Variants in GLCCI1 observed in about 807,000 individuals in gnomAD.
GLCCI1 encodes the protein glucocorticoid induced 1, also known as glucocorticoid-induced transcript 1 protein.
In GLCCI1, 24 loss-of-function variants were observed where a neutral mutation model predicts 52.2. The observed-to-expected ratio is 0.46, with a 90% CI of 0.33 to 0.65. GLCCI1 has a LOEUF of 0.65. Ranked by LOEUF, GLCCI1 falls within the 30% of genes least tolerant of loss-of-function variation. The probability of loss-of-function intolerance (pLI) is 0.02; values close to 1 mark genes in which losing one functional copy is unlikely to be tolerated. For synonymous variants in GLCCI1, 310 were observed against 276.5 expected (o/e 1.12, Z -1.20); for missense variants, 704 against 701.5 (o/e 1.00, Z -0.04).
intron 1 of GLCCI1, 128 bp from the exon 2 acceptor site, chr7:8,003,780 G>A (rs1449634873): frequency 7.1e-6 from 5 of 704,032 alleles, no homozygotes; most frequent in African/African-American, 3.6e-5. Flanking sequence ...CATACAACAG[G>A]GCTATTAGTG....
In GLCCI1 at chr7:8,087,193, A is replaced by T. The variant is rs1783134814; in HGVS notation, c.*655A>T. On this transcript the variant is annotated 3_prime_UTR_variant, in exon 8 of 8. Coordinates refer to ENST00000223145, the MANE Select transcript of GLCCI1 (RefSeq NM_138426.4). Reference sequence around the variant, plus strand: ...TTTCCCTTTCCTCATTACATTCCACATTCTTAGAATAAGAAGTGCATTCAA... The same window carrying T: ...TTTCCCTTTCCTCATTACATTCCACTTTCTTAGAATAAGAAGTGCATTCAA... 1 of 152,632 alleles carries T rather than the reference A, an allele frequency of 6.6e-6. No individual in the cohort carries two copies. The highest frequency in any genetic ancestry group is 6.5e-5 in the Admixed American group (1 of 15,280). The allele number at this position is 152,632 out of a possible 1,614,324, so 9.5% of individuals were successfully genotyped here.
intron 3 of GLCCI1, among the ~76,000 whole-genome samples, chr7:8,054,806 T>C (rs779818230): frequency 2.6e-5 from 4 of 152,108 alleles, no homozygotes; most frequent in Non-Finnish European, 5.9e-5. Context: ...GGTCATATTA[T>C]AGTAATGACT....
intron 6 of GLCCI1, among the ~76,000 whole-genome samples, chr7:8,084,387 CATTTT>C (rs1393814421): frequency 6.6e-6 from 1 of 152,054 alleles, no homozygotes; most frequent in Non-Finnish European, 1.5e-5. Context: ...TAGAAAGAGA[CATTTT>C]ATAAACTTGT....
chr7:8,068,446 G>A (rs941114446), intron 5 of GLCCI1, among the ~76,000 whole-genome samples: 4 of 152,078 alleles, frequency 2.6e-5, no homozygotes, highest in African/African-American at 9.7e-5. Context: ...TTAATATTTG[G>A]GATTGCATTA....
intron 2 of GLCCI1, among the ~76,000 whole-genome samples, chr7:8,020,775 T>A (rs1781468191): frequency 6.6e-6 from 1 of 152,192 alleles, no homozygotes. Context: ...TAATGCTCAG[T>A]TGCTAGACAG....
At position 8,069,024 on chromosome 7, in the gene GLCCI1, G is replaced by A. The variant is rs1312397233; in HGVS notation, c.967-1897G>A. Among the ~76,000 whole-genome samples the A allele has an allele frequency of 3.3e-5, 5 of 152,094 alleles. No individual in the cohort carries two copies. The South Asian group carries it at 6.2e-4, about 19-fold the overall frequency. ...TGTATTTCCTCACTATTGCAGCTGC[G>A]CTCCCTGTCAGTGCTCTGAAAGTGT... On this transcript the variant is annotated intron_variant, in intron 5 of 7. Transcript: ENST00000223145.
intron 1 of GLCCI1, among the ~76,000 whole-genome samples, chr7:7,976,534 A>C (rs529441414): frequency 6.6e-6 from 1 of 150,900 alleles, no homozygotes; most frequent in Non-Finnish European, 1.5e-5. Context: ...GAAAAAGGAA[A>C]TAAAAGAAAG....
chr7:7,982,132 C>A, intron 1 of GLCCI1: 1 of 385,950 alleles, frequency 2.6e-6, no homozygotes, highest in South Asian at 2.3e-5. Flanking sequence ...GTCACAAATC[C>A]AAATACCAGA....
chr7:7,999,516 A>G (rs1367523369), intron 1 of GLCCI1, among the ~76,000 whole-genome samples: 2 of 152,122 alleles, frequency 1.3e-5, no homozygotes, highest in Non-Finnish European at 2.9e-5. Flanking sequence ...CTGACGTGGG[A>G]GGATAGCTTG....
intron 6 of GLCCI1, among the ~76,000 whole-genome samples, chr7:8,080,256 C>T (rs1461830827): frequency 1.3e-5 from 2 of 151,472 alleles, no homozygotes; most frequent in Admixed American, 6.5e-5. Context: ...ATTTTAAGTA[C>T]TATTCAGTCA....
chr7:8,006,308 T>C (rs1281229354), intron 2 of GLCCI1, among the ~76,000 whole-genome samples: 1 of 152,104 alleles, frequency 6.6e-6, no homozygotes, highest in Non-Finnish European at 1.5e-5. Flanking sequence ...CAGAGGCACA[T>C]TGTCTTGGAG....
rs866964131 is a variant in GLCCI1, at chr7:7,987,318, T to G, written c.458-16590T>G. 3.9e-4 allele frequency among the ~76,000 whole-genome samples: 59 copies of G among 152,358 alleles called. 1 individual carries two copies. In the Middle Eastern group the frequency reaches 0.01, roughly 26 times the overall value. ...TGCAAACAGCTTTCCAATATCATGC[T>G]TCTCTGCAAAATATTCCTGACGTTT... On this transcript the variant is annotated intron_variant, in intron 1 of 7. Transcript: ENST00000223145.
chr7:7,993,247 G>A (rs1780876806), intron 1 of GLCCI1, among the ~76,000 whole-genome samples: 1 of 151,872 alleles, frequency 6.6e-6, no homozygotes, highest in Admixed American at 6.6e-5. Context: ...TGTCTTCAAG[G>A]CTCTAGTGCT....
intron 1 of GLCCI1, chr7:7,980,742 A>G: frequency 1.4e-6 from 1 of 693,516 alleles, no homozygotes; most frequent in East Asian, 2.5e-5. Flanking sequence ...GAGAAAATCT[A>G]GATTACCTTG....
chr7:7,981,272 C>A (rs1780610928), intron 1 of GLCCI1: 1 of 246,342 alleles, frequency 4.1e-6, no homozygotes, highest in Non-Finnish European at 7.7e-6. Flanking sequence ...TTTTTTCTTT[C>A]TTTCTTTCTT....
At chr7:8,018,982 T>C (rs1345332898) in intron 2 of GLCCI1, among the ~76,000 whole-genome samples, 2 of 152,216 alleles carry the variant, frequency 1.3e-5, no homozygotes, top group South Asian at 4.1e-4. Context: ...CTACTTTGTG[T>C]TATTTTCCTG....
At chr7:8,068,871 C>T (rs1782692039) in intron 5 of GLCCI1, among the ~76,000 whole-genome samples, 1 of 152,164 alleles carries the variant, frequency 6.6e-6, no homozygotes, top group South Asian at 2.1e-4. Flanking sequence ...GACTTATTGT[C>T]CTTAGTTTCA....
chr7:8,044,410 C>G (rs1442154025), intron 3 of GLCCI1, among the ~76,000 whole-genome samples: 1 of 150,150 alleles, frequency 6.7e-6, no homozygotes, highest in Non-Finnish European at 1.5e-5. Context: ...TGCCCTGTCA[C>G]CAGGCTGGAG....
chr7:8,035,064 C>G (rs967641182), intron 3 of GLCCI1, among the ~76,000 whole-genome samples: 16 of 152,202 alleles, frequency 1.1e-4, no homozygotes, highest in African/African-American at 3.9e-4. Context: ...CTCGACATCA[C>G]TGGATCCCAT....
Sources: allele counts gnomAD v4.1 joint callset (sites outside exome capture counted in the v4.1 genomes callset), GRCh38; gene constraint gnomAD v4.1.1; transcripts MANE v1.5; gene names NCBI Gene and HGNC (gene_info 2026-07-23, HGNC 2026-07-21).